Variants in TENM1 observed in about 807,000 individuals in gnomAD.
The protein encoded by TENM1 is teneurin-1.
Under a neutral mutation model 174.8 loss-of-function variants are expected in TENM1, and 35 were observed. The ratio of observed to expected loss-of-function variants is 0.20; its 90% CI spans 0.15 to 0.27. The LOEUF is 0.27. TENM1 is among the 10% of genes least tolerant of loss of function. The pLI, the probability that TENM1 is intolerant of heterozygous loss-of-function variation, is 1.00. For synonymous variants in TENM1, 781 were observed against 798.7 expected, an observed-to-expected ratio of 0.98 and a Z score of 0.37; for missense variants, 1,633 against 2,130.1, an observed-to-expected ratio of 0.77 and a Z score of 4.59.
At chrX:124,833,253 T>C (rs2056326491) in intron 3 of TENM1, among the ~76,000 whole-genome samples, 1 of 112,004 alleles carries the variant, frequency 8.9e-6, no homozygotes, top group Non-Finnish European at 1.9e-5. Context: ...TCTAGCTCTG[T>C]AGAAGCATTT....
At chrX:125,139,707 CATCATAACCCTTATAATCTACTCAA>C in the TENM1 span, among the ~76,000 whole-genome samples, 1 of 110,066 alleles carries the variant, frequency 9.1e-6, no homozygotes, top group African/African-American at 3.3e-5. Flanking sequence ...AGTTCTTGTA[CATCATAACCCTTATAATCTACTCAA>C]ATCATAACCC....
the TENM1 span, among the ~76,000 whole-genome samples, chrX:125,097,020 A>C: frequency 8.9e-6 from 1 of 111,919 alleles, no homozygotes; most frequent in Non-Finnish European, 1.9e-5. Context: ...GAAGATAAAG[A>C]GTGGAACTCT....
intron 11 of TENM1, among the ~76,000 whole-genome samples, chrX:124,584,905 A>G: frequency 9.1e-6 from 1 of 110,102 alleles, no homozygotes; most frequent in Non-Finnish European, 1.9e-5. Context: ...GATAAAACAG[A>G]CTTTAAACCA....
intron 1 of TENM1, among the ~76,000 whole-genome samples, chrX:124,929,779 T>G (rs2058143308): frequency 8.9e-6 from 1 of 112,153 alleles, no homozygotes; most frequent in South Asian, 3.7e-4. Context: ...ATTACAAATT[T>G]GTGGAAAAAT....
At chrX:124,471,565 ACAT>A (rs1205111118) in intron 22 of TENM1, among the ~76,000 whole-genome samples, 105 of 74,700 alleles carry the variant, frequency 1.4e-3, no homozygotes, top group Non-Finnish European at 1.3e-3. Context: ...ATTATATAAT[ACAT>A]CATAATATAT....
At chrX:124,755,762 G>A (rs2054217196) in intron 3 of TENM1, among the ~76,000 whole-genome samples, 1 of 108,429 alleles carries the variant, frequency 9.2e-6, no homozygotes, top group Non-Finnish European at 1.9e-5. Flanking sequence ...TAGTTTGGCT[G>A]GATATGAAAT....
chrX:124,662,490 T>C (rs1029093916), intron 6 of TENM1, among the ~76,000 whole-genome samples: 16 of 109,065 alleles, frequency 1.5e-4, no homozygotes, highest in African/African-American at 4.4e-4. Flanking sequence ...TCTCTTCTTT[T>C]GAAAAATTTG....
chrX:124,577,591 T>G (rs2049198689), intron 11 of TENM1, among the ~76,000 whole-genome samples: 1 of 111,976 alleles, frequency 8.9e-6, no homozygotes, highest in Non-Finnish European at 1.9e-5. Context: ...TTAAGACATA[T>G]ATTTTGTCTT....
chrX:124,414,018 C>T (rs1484692565), intron 25 of TENM1, among the ~76,000 whole-genome samples: 1 of 112,133 alleles, frequency 8.9e-6, no homozygotes, highest in Non-Finnish European at 1.9e-5. Flanking sequence ...CATGATAAAA[C>T]TGGGCATTTG....
chrX:124,550,797 C>T (rs1240349664), intron 14 of TENM1, among the ~76,000 whole-genome samples: 1 of 107,273 alleles, frequency 9.3e-6, no homozygotes, highest in Admixed American at 9.9e-5. Context: ...TTTGCTCTGT[C>T]GCCCAGGCTG....
At chrX:124,495,120 G>T (rs200817635) in intron 20 of TENM1, among the ~76,000 whole-genome samples, 4,578 of 38,913 alleles carry the variant, frequency 0.12, no homozygotes, top group African/African-American at 0.12. Flanking sequence ...CTAGTTTACA[G>T]TCCCACCAAC....
intron 15 of TENM1, among the ~76,000 whole-genome samples, chrX:124,534,842 C>T (rs1037898769): frequency 1.8e-5 from 2 of 111,515 alleles, no homozygotes; most frequent in African/African-American, 6.5e-5. Flanking sequence ...TTTGAATTGT[C>T]AGTTGGTTCA....
At chrX:124,530,648 CCAAA>C (rs1160866317) in intron 15 of TENM1, among the ~76,000 whole-genome samples, 2 of 111,593 alleles carry the variant, frequency 1.8e-5, no homozygotes, top group Admixed American at 1.9e-4. Context: ...AACCAGCCAA[CCAAA>C]CAAACAAATT....
intron 18 of TENM1, among the ~76,000 whole-genome samples, chrX:124,508,147 A>G (rs1372148670): frequency 8.9e-6 from 1 of 112,416 alleles, no homozygotes; most frequent in East Asian, 2.8e-4. Flanking sequence ...TAGACAAAAT[A>G]CTATCTATGT....
At chrX:124,472,404 CA>C (rs1298957624) in intron 22 of TENM1, among the ~76,000 whole-genome samples, 1 of 27,999 alleles carries the variant, frequency 3.6e-5, no homozygotes, top group African/African-American at 1.4e-4. Context: ...TTTTTCCCAA[CA>C]AAAAAACCCA....
chrX:124,745,887 G>A (rs1480243660), intron 3 of TENM1, among the ~76,000 whole-genome samples: 2 of 111,009 alleles, frequency 1.8e-5, no homozygotes, highest in Non-Finnish European at 3.8e-5. Context: ...AATGATTGCT[G>A]GTAGAACACT....
intron 1 of TENM1, 89 bp downstream of exon 4, chrX:124,963,448 A>T: frequency 1.2e-6 from 1 of 830,674 alleles, no homozygotes; most frequent in Non-Finnish European, 1.7e-6. Flanking sequence ...AGTTAACATT[A>T]GCAAATTTAT....
intron 16 of TENM1, among the ~76,000 whole-genome samples, chrX:124,527,550 A>G (rs2048001663): frequency 9.1e-6 from 1 of 110,409 alleles, no homozygotes; most frequent in African/African-American, 3.3e-5. Flanking sequence ...GACATGGAGG[A>G]TCCTATCAGC....
upstream of TENM1, among the ~76,000 whole-genome samples, chrX:124,967,813 T>A (rs1226480752): frequency 1.8e-5 from 2 of 111,670 alleles, no homozygotes; most frequent in African/African-American, 3.3e-5. Flanking sequence ...GAACTGTAGA[T>A]GTTCCTTCCC....
Sources: gnomAD v4.1 joint callset for allele counts (sites outside exome capture counted in the v4.1 genomes callset) on GRCh38, gnomAD v4.1.1 for gene constraint, MANE v1.5 for transcripts, NCBI Gene and HGNC (gene_info 2026-07-23, HGNC 2026-07-21) for gene names.